The following SCOC variants were observed in gnomAD, a reference collection of about 807,000 sequenced individuals.
The protein encoded by SCOC is short coiled coil protein.
In SCOC, 7 loss-of-function variants were observed where a neutral mutation model predicts 9.9. That is an observed-to-expected ratio of 0.71 (90% CI 0.40 to 1.33). The LOEUF (loss-of-function observed/expected upper bound fraction) is 1.33. SCOC is among the 40% of genes most tolerant of loss of function. The pLI is 0.01. For synonymous variants in SCOC, 19 were observed against 28.2 expected (o/e 0.67, Z 1.03); for missense variants, 66 against 89.7 (o/e 0.74, Z 1.07).
chr4:140,340,397 T>A (rs1157424354), upstream of SCOC, among the ~76,000 whole-genome samples: 1 of 151,890 alleles, frequency 6.6e-6, no homozygotes, highest in East Asian at 1.9e-4. Context: ...ACATGTTATA[T>A]ACATGTTGTA....
chr4:140,309,118 G>A (rs1202893514), intron 1 of SCOC, among the ~76,000 whole-genome samples: 1 of 152,204 alleles, frequency 6.6e-6, no homozygotes, highest in Admixed American at 6.5e-5. Context: ...GAGCATAAGA[G>A]CTGAAAGGGA....
chr4:140,316,290 G>T (rs1732315805), intron 1 of SCOC, among the ~76,000 whole-genome samples: 1 of 152,138 alleles, frequency 6.6e-6, no homozygotes, highest in South Asian at 2.1e-4. Context: ...TCAGATCGGG[G>T]ACAGTTTCCC....
At chr4:140,355,211 TTATATATATATATATA>T (rs34322076) in intron 2 of SCOC, among the ~76,000 whole-genome samples, 4 of 61,424 alleles carry the variant, frequency 6.5e-5, no homozygotes, top group African/African-American at 1.9e-4. Flanking sequence ...CATTATATTT[TTATATATATATATATA>T]TATATATATA....
At chr4:140,299,247 A>C (rs927869000) in intron 1 of SCOC, among the ~76,000 whole-genome samples, 2 of 152,246 alleles carry the variant, frequency 1.3e-5, no homozygotes, top group Non-Finnish European at 2.9e-5. Flanking sequence ...AAATCCAGCA[A>C]ACTGAAGAAC....
intron 2 of SCOC, among the ~76,000 whole-genome samples, chr4:140,349,024 A>G (rs921537580): frequency 7.2e-5 from 11 of 152,302 alleles, no homozygotes; most frequent in African/African-American, 2.4e-4. Context: ...AGAAACATCT[A>G]TTTAGGCTCA....
At chr4:140,331,988 G>T (rs1039989581) in intron 1 of SCOC, among the ~76,000 whole-genome samples, 4 of 135,260 alleles carry the variant, frequency 3.0e-5, no homozygotes, top group South Asian at 2.5e-4. Context: ...GCTGGAGCAG[G>T]CATCTTACAT....
chr4:140,365,750 T>C (rs989970351), intron 2 of SCOC, among the ~76,000 whole-genome samples: 7 of 152,220 alleles, frequency 4.6e-5, no homozygotes, highest in Admixed American at 1.3e-4. Flanking sequence ...AATGTAAATA[T>C]ATTTTCTCTT....
chr4:140,298,701 TTA>T (rs1214536709), intron 1 of SCOC, among the ~76,000 whole-genome samples: 1 of 152,248 alleles, frequency 6.6e-6, no homozygotes, highest in Non-Finnish European at 1.5e-5. Flanking sequence ...TTTTGCTGTG[TTA>T]TCTTTTCTTG....
intron 1 of SCOC, among the ~76,000 whole-genome samples, chr4:140,332,942 G>A (rs1732861422): frequency 6.6e-6 from 1 of 152,076 alleles, no homozygotes; most frequent in Non-Finnish European, 1.5e-5. Context: ...ATAACCAGAA[G>A]CCTCTCCTCT....
intron 1 of SCOC, among the ~76,000 whole-genome samples, chr4:140,287,147 C>T (rs746914605): frequency 6.6e-6 from 1 of 151,858 alleles, no homozygotes; most frequent in Non-Finnish European, 1.5e-5. Context: ...GTGCACATGC[C>T]ACACAGACCA....
intron 1 of SCOC, among the ~76,000 whole-genome samples, chr4:140,306,316 G>T (rs1003445581): frequency 5.9e-5 from 9 of 152,196 alleles, no homozygotes; most frequent in African/African-American, 1.9e-4. Context: ...ACCTCTCATC[G>T]GGTCTTTCCC....
intron 2 of SCOC, among the ~76,000 whole-genome samples, chr4:140,361,169 G>A (rs1030100597): frequency 6.6e-6 from 1 of 151,220 alleles, no homozygotes; most frequent in Admixed American, 6.6e-5. Context: ...TGACAGACCT[G>A]TAGGGACAGG....
At chr4:140,331,326 A>G (rs946424058) in intron 1 of SCOC, among the ~76,000 whole-genome samples, 33 of 152,260 alleles carry the variant, frequency 2.2e-4, no homozygotes, top group African/African-American at 7.0e-4. Context: ...CTCTGCTTCC[A>G]ATCCACCCTG....
chr4:140,295,284 AG>A (rs1440037484), intron 1 of SCOC, among the ~76,000 whole-genome samples: 1 of 152,058 alleles, frequency 6.6e-6, no homozygotes, highest in East Asian at 1.9e-4. Context: ...TCTATAGGTA[AG>A]GGGTAAAATA....
chr4:140,374,061 G>A (rs1176944965), intron 1 of SCOC: 6 of 507,538 alleles, frequency 1.2e-5, no homozygotes. Flanking sequence ...TGGACTGCGG[G>A]AGGGGCGTTT....
At chr4:140,338,593 C>T (rs1400512125), upstream of SCOC, among the ~76,000 whole-genome samples, 2 of 152,342 alleles carry the variant, frequency 1.3e-5, no homozygotes, top group East Asian at 3.9e-4. Flanking sequence ...TAAGCAACTT[C>T]AGCAAAGTCT....
At chr4:140,354,024 A>C (rs548192607) in intron 2 of SCOC, among the ~76,000 whole-genome samples, 6 of 152,338 alleles carry the variant, frequency 3.9e-5, no homozygotes, top group African/African-American at 1.4e-4. Context: ...AGTTGTTTGA[A>C]AAGCTTGTAT....
intron 1 of SCOC, chr4:140,285,003 A>AT (rs1731225110): frequency 3.3e-6 from 1 of 298,990 alleles, no homozygotes; most frequent in African/African-American, 2.2e-5. Context: ...AACTCTCATG[A>AT]TAATGGTTAA....
chr4:140,366,372 G>A, intron 2 of SCOC: 2 of 1,250,438 alleles, frequency 1.6e-6, no homozygotes, highest in Non-Finnish European at 2.2e-6. Flanking sequence ...CTTCTTGCCT[G>A]CAGCGGTCAT....
Sources: allele counts gnomAD v4.1 joint callset (sites outside exome capture counted in the v4.1 genomes callset), GRCh38; gene constraint gnomAD v4.1.1; transcripts MANE v1.5; gene names NCBI Gene and HGNC (gene_info 2026-07-23, HGNC 2026-07-21).